The following GAS7 variants were observed in gnomAD, a reference collection of about 807,000 sequenced individuals.
GAS7 encodes the protein growth arrest-specific protein 7.
A neutral mutation model predicts 71.1 loss-of-function variants in GAS7; 28 were observed. The observed-to-expected ratio is 0.39, with a 90% CI of 0.29 to 0.54. GAS7 has a LOEUF of 0.54. Among genes scored for constraint, GAS7 ranks in the 20% least tolerant of loss-of-function variants. The probability of loss-of-function intolerance (pLI) is 0.62; values close to 1 mark genes in which losing one functional copy is unlikely to be tolerated. For missense variants in GAS7, 436 were observed against 627.8 expected (o/e 0.69, Z 3.27); for synonymous variants, 258 against 245.8 (o/e 1.05, Z -0.46).
intron 1 of GAS7, among the ~76,000 whole-genome samples, chr17:10,024,580 C>T (rs1013522262): frequency 1.1e-4 from 16 of 152,252 alleles, no homozygotes; most frequent in African/African-American, 3.9e-4. Context: ...TTACCTAATA[C>T]AGGGTGTCTT....
At chr17:10,146,185 C>G (rs1248090130) in intron 1 of GAS7, among the ~76,000 whole-genome samples, 1 of 152,168 alleles carries the variant, frequency 6.6e-6, no homozygotes. Context: ...GTTAGATAAT[C>G]CCAGAACTTT....
chr17:10,127,118 A>G (rs2073957216), intron 1 of GAS7, among the ~76,000 whole-genome samples: 1 of 152,172 alleles, frequency 6.6e-6, no homozygotes, highest in Non-Finnish European at 1.5e-5. Flanking sequence ...GTGGATTTCC[A>G]GCTGGCCATG....
intron 11 of GAS7, among the ~76,000 whole-genome samples, chr17:9,923,203 G>A (rs75213714): frequency 0.02 from 3,031 of 151,568 alleles, 53 homozygotes; most frequent in Non-Finnish European, 0.031. Flanking sequence ...CACCACGGCC[G>A]GCCTTCACTA....
intron 1 of GAS7, among the ~76,000 whole-genome samples, chr17:10,043,400 C>T (rs1434881790): frequency 6.6e-6 from 1 of 152,032 alleles, no homozygotes; most frequent in Non-Finnish European, 1.5e-5. Flanking sequence ...TACAGCTGAC[C>T]CTTGAACAAC....
At chr17:10,162,245 G>A (rs1187139405) in intron 1 of GAS7, among the ~76,000 whole-genome samples, 6 of 139,484 alleles carry the variant, frequency 4.3e-5, no homozygotes, top group South Asian at 4.7e-4. Flanking sequence ...AAGAAGCAGC[G>A]CTGCCCAGTG....
chr17:9,949,996 T>G (rs1340920555), intron 5 of GAS7, among the ~76,000 whole-genome samples: 1 of 151,874 alleles, frequency 6.6e-6, no homozygotes, highest in Non-Finnish European at 1.5e-5. Context: ...CCCGGGTAGC[T>G]GGGATTACAG....
chr17:10,157,082 G>GCTC (rs904606517), intron 1 of GAS7, among the ~76,000 whole-genome samples: 6 of 152,110 alleles, frequency 3.9e-5, no homozygotes, highest in East Asian at 1.9e-4. Context: ...GGGTGGCCCT[G>GCTC]CTCCTCCCCG....
intron 1 of GAS7, among the ~76,000 whole-genome samples, chr17:10,070,859 AAGAGC>A (rs1247184659): frequency 3.9e-5 from 6 of 152,010 alleles, no homozygotes; most frequent in Admixed American, 1.3e-4. Flanking sequence ...GTGGCGAAGG[AAGAGC>A]ATACAGAGAG....
chr17:9,930,566 C>T (rs1002665603), intron 9 of GAS7, among the ~76,000 whole-genome samples: 7 of 152,180 alleles, frequency 4.6e-5, no homozygotes, highest in East Asian at 1.9e-4. Context: ...TCTTTGTATA[C>T]GGCTCTCTCA....
At chr17:9,928,350 C>CT (rs1362373758) in intron 9 of GAS7, among the ~76,000 whole-genome samples, 1 of 151,756 alleles carries the variant, frequency 6.6e-6, no homozygotes, top group Non-Finnish European at 1.5e-5. Context: ...TCTCGATCTC[C>CT]TGACCTCGTG....
At chr17:10,012,056 G>C (rs1288025674) in intron 2 of GAS7, among the ~76,000 whole-genome samples, 1 of 151,460 alleles carries the variant, frequency 6.6e-6, no homozygotes, top group Non-Finnish European at 1.5e-5. Context: ...AAAACTACTG[G>C]ATTTAGAGTA....
At chr17:10,174,565 G>A (rs574235339) in intron 1 of GAS7, among the ~76,000 whole-genome samples, 108 of 152,072 alleles carry the variant, frequency 7.1e-4, no homozygotes, top group East Asian at 4.9e-3. Context: ...AGTGGCGGGC[G>A]CCTGTAGTCC....
chr17:9,931,461 C>T (rs1209390917), intron 9 of GAS7, among the ~76,000 whole-genome samples: 1 of 152,124 alleles, frequency 6.6e-6, no homozygotes, highest in East Asian at 1.9e-4. Context: ...AACTCTGGCT[C>T]CCAGCCCCAC....
At chr17:9,923,626 A>G (rs1184045657) in intron 11 of GAS7, among the ~76,000 whole-genome samples, 1 of 152,262 alleles carries the variant, frequency 6.6e-6, no homozygotes, top group Non-Finnish European at 1.5e-5. Context: ...ACTCACTACC[A>G]ATTTCAAATC....
chr17:9,943,037 C>A, intron 7 of GAS7, 84 bp downstream of exon 7: 1 of 818,340 alleles, frequency 1.2e-6, no homozygotes, highest in Non-Finnish European at 2.1e-6. Context: ...AGTACTGAGT[C>A]CTGTGCTGTC....
intron 2 of GAS7, among the ~76,000 whole-genome samples, chr17:9,997,084 AT>A (rs1412886053): frequency 6.6e-6 from 1 of 152,200 alleles, no homozygotes; most frequent in Non-Finnish European, 1.5e-5. Flanking sequence ...AGTTTAGCGT[AT>A]GGTAAAGAGG....
chr17:10,092,451 C>T (rs1390411846), intron 1 of GAS7, among the ~76,000 whole-genome samples: 1 of 152,236 alleles, frequency 6.6e-6, no homozygotes. Flanking sequence ...CACACAACTG[C>T]TGTTCAATAG....
intron 1 of GAS7, among the ~76,000 whole-genome samples, chr17:10,130,394 C>G (rs896022019): frequency 4.6e-5 from 7 of 151,742 alleles, no homozygotes; most frequent in African/African-American, 1.5e-4. Context: ...GCATTGGAAC[C>G]CTCATACGAT....
chr17:9,972,296 G>A (rs1173423925), intron 3 of GAS7, among the ~76,000 whole-genome samples: 1 of 152,214 alleles, frequency 6.6e-6, no homozygotes, highest in Non-Finnish European at 1.5e-5. Flanking sequence ...AATGCTGAGG[G>A]GGCCAAGGAG....
Sources: allele counts gnomAD v4.1 joint callset (sites outside exome capture counted in the v4.1 genomes callset), GRCh38; gene constraint gnomAD v4.1.1; transcripts MANE v1.5; gene names NCBI Gene and HGNC (gene_info 2026-07-23, HGNC 2026-07-21).